The following DNAH2 variants were observed in gnomAD, a reference collection of about 807,000 sequenced individuals.
DNAH2 encodes axonemal beta dynein heavy chain 2.
In DNAH2, 323 loss-of-function variants were observed where a neutral mutation model predicts 523.5. That is an observed-to-expected ratio of 0.62 (90% CI 0.56 to 0.68). The LOEUF is 0.68. Ranked by LOEUF, DNAH2 falls within the 30% of genes least tolerant of loss-of-function variation. The pLI, the probability that DNAH2 is intolerant of heterozygous loss-of-function variation, is 0.00. For missense variants in DNAH2, 4,907 were observed against 5,701.5 expected (o/e 0.86, Z 4.49); for synonymous variants, 2,093 against 2,177.4 (o/e 0.96, Z 1.08).
intron 61 of DNAH2, among the ~76,000 whole-genome samples, chr17:7,805,969 A>G (rs1027400564): frequency 1.3e-5 from 2 of 152,248 alleles, no homozygotes; most frequent in Non-Finnish European, 2.9e-5. Flanking sequence ...GATTGCTTTT[A>G]TAATTATTAA....
At chr17:7,779,490 C>T (rs1354623678) in intron 36 of DNAH2, 67 bp downstream of exon 36, 14 of 1,492,676 alleles carry the variant, frequency 9.4e-6, no homozygotes, top group South Asian at 3.7e-5. Flanking sequence ...GAAATAACTG[C>T]GCATCCTCCT....
chr17:7,780,231 T>A lies in DNAH2; in HGVS notation c.5797T>A (p.Ser1933Thr). The A allele has an allele frequency of 6.2e-7, 1 of 1,614,164 alleles. No individual in the cohort carries two copies. Among genetic ancestry groups the A allele is most frequent in the Non-Finnish European group, 8.5e-7 (1 of 1,180,012 alleles). Residue 1933 changes from serine (S) to threonine (T), a missense_variant, in exon 37 of 86, where the codon TCC (serine) becomes ACC (threonine). This residue lies in a region of DNAH2 where 2,806 missense variants were observed against 3,190.8 expected (regional missense o/e 0.88). Transcript: ENST00000572933. This position sits in a 1 kb window ranked among gnomAD's most constrained non-coding sequence, Gnocchi z 4.4. ...CCCAATTGCCATGGTGGTGCCTGAC[T>A]CCACCCTCATTGCAGAAATCATTCT... ...FRPIAMVVPDSTLIAEIILFG... is the reference protein window; with the variant it reads ...FRPIAMVVPDTTLIAEIILFG...
Position 7,798,279 on chromosome 17 carries a change from C to T in DNAH2, c.8353C>T (p.Gln2785Ter). 6.2e-7 allele frequency: 1 copy of T among 1,613,672 alleles called. No homozygotes were observed. The highest frequency in any genetic ancestry group is 8.5e-7 in the Non-Finnish European group (1 of 1,179,624). The change falls in exon 54 of 86, where the codon CAG becomes TAG. Residue 2785 changes from glutamine to a stop codon, truncating the protein, a stop_gained. Transcript: ENST00000572933. LOFTEE classifies it high-confidence loss of function. The surrounding 1 kb of genome is among the most constrained non-coding windows in gnomAD (Gnocchi z 5.5). ...ATCCATCTGCGACTACACCACCTTC[C>T]AGATCGAGGTCACCAAACATTATCG... Reference protein sequence around the residue: ...ASSICDYTTFQIEVTKHYRKQ... With the variant: ...ASSICDYTTF
At chr17:7,772,918 G>A (rs577566152) in intron 28 of DNAH2, among the ~76,000 whole-genome samples, 103 of 152,212 alleles carry the variant, frequency 6.8e-4, no homozygotes, top group African/African-American at 2.3e-3. Context: ...GACTACAGGC[G>A]TGTGCCACCA....
At chr17:7,806,914 G>C (rs892907638) in intron 61 of DNAH2, among the ~76,000 whole-genome samples, 5 of 152,110 alleles carry the variant, frequency 3.3e-5, no homozygotes, top group Admixed American at 6.5e-5. Flanking sequence ...TTGGCTGAGT[G>C]TTCAAGGTAA....
Position 7,776,120 on chromosome 17 carries a change from G to A in DNAH2, c.4918G>A (p.Asp1640Asn). 1.2e-6 allele frequency: 2 copies of A among 1,613,964 alleles called. No homozygotes were observed. Among genetic ancestry groups the A allele is most frequent in the Non-Finnish European group, 8.5e-7 (1 of 1,179,906 alleles). Reference protein sequence around the residue: ...LALRKFLNKRDKWVKEWAGQV... With the variant: ...LALRKFLNKRNKWVKEWAGQV... ...CCTCAGGAAGTTCCTCAACAAGAGG[G>A]ACAAATGGGTGAAGGAGTGGGCTGG... The change falls in exon 31 of 86, where the codon GAC becomes AAC. Residue 1640 changes from aspartate to asparagine, a missense_variant. Asp to Asn is a conservative substitution (Grantham distance 23). Around this residue, in one of 3 missense-constraint regions of DNAH2, gnomAD observed 2,806 missense variants for 3,190.8 expected, o/e 0.88. Transcript: ENST00000572933.
In DNAH2 at chr17:7,821,257, C is replaced by T; in HGVS notation, c.11030C>T (p.Thr3677Ile). The change falls in exon 73 of 86, where the codon ACC becomes ATC. Residue 3677 changes from threonine to isoleucine, a missense_variant. By Grantham distance (89) the Thr-to-Ile change is moderately conservative (BLOSUM62 -1). Coordinates refer to ENST00000572933, the MANE Select transcript of DNAH2 (RefSeq NM_020877.5). The surrounding 1 kb of genome is among the most constrained non-coding windows in gnomAD (Gnocchi z 5.0). ...TYAVYRYTCR[T>I]LFERHKLLFS... ...CTTTCTCCCAGGTACACCTGCCGTA[C>T]CCTTTTCGAACGCCACAAACTACTA... 6.2e-7 allele frequency: 1 copy of T among 1,613,624 alleles called. No individual in the cohort carries two copies. Among genetic ancestry groups the T allele is most frequent in the Non-Finnish European group, 8.5e-7 (1 of 1,179,732 alleles).
intron 12 of DNAH2, chr17:7,743,580 C>T (rs1567629304): frequency 7.2e-6 from 4 of 552,872 alleles, no homozygotes; most frequent in East Asian, 3.1e-5. Flanking sequence ...GTGGGAGGAT[C>T]GCCTGAGCCC....
intron 7 of DNAH2, among the ~76,000 whole-genome samples, chr17:7,735,496 T>G (rs2075114993): frequency 6.6e-6 from 1 of 152,152 alleles, no homozygotes; most frequent in Non-Finnish European, 1.5e-5. Context: ...TGAAGTGCAG[T>G]GGCACGATCT....
intron 9 of DNAH2, 108 bp from the exon 10 acceptor site, chr17:7,740,312 C>T (rs2075273126): frequency 2.0e-6 from 3 of 1,513,980 alleles, no homozygotes; most frequent in Non-Finnish European, 2.7e-6. Flanking sequence ...GAGTGCCTGG[C>T]ACACAGGAAG....
rs767572684 is a variant in DNAH2, at chr17:7,821,411, G to A, written c.11142+42G>A. 2 of 1,591,892 alleles carry A rather than the reference G, an allele frequency of 1.3e-6. No individual in the cohort carries two copies. Among genetic ancestry groups the A allele is most frequent in the Admixed American group, 1.7e-5 (1 of 57,742 alleles). On this transcript the variant is annotated intron_variant, in intron 73 of 85. Coordinates refer to ENST00000572933, the MANE Select transcript of DNAH2 (RefSeq NM_020877.5). This position sits in a 1 kb window ranked among gnomAD's most constrained non-coding sequence, Gnocchi z 5.0. ...GCACATCCCAGGATGGGATGGTCAA[G>A]GTTGGGGATGAGGGCAAGTGTGACA...
chr17:7,740,987 A>G lies in DNAH2; in HGVS notation c.1684A>G (p.Met562Val). 6.3e-7 allele frequency: 1 copy of G among 1,599,194 alleles called. No homozygotes were observed. The highest frequency in any genetic ancestry group is 1.1e-5 in the South Asian group (1 of 90,686). Residue 562 changes from methionine (M) to valine (V), a missense_variant, in exon 11 of 86, where the codon ATG becomes GTG. Around this residue, in one of 3 missense-constraint regions of DNAH2, gnomAD observed 2,806 missense variants for 3,190.8 expected, o/e 0.88. Coordinates refer to ENST00000572933, the MANE Select transcript of DNAH2 (RefSeq NM_020877.5). ...CCTCCGGCGTCGCATCGACAGAGTC[A>G]TGACCGTAAGTGCCTGGCCTTCTCC... Reference protein sequence around the residue: ...HILRRRIDRVMTCLAGAHFLP... With the variant: ...HILRRRIDRVVTCLAGAHFLP...
chr17:7,762,485 G>A (rs1241116910), intron 18 of DNAH2, among the ~76,000 whole-genome samples: 6 of 151,880 alleles, frequency 4.0e-5, no homozygotes, highest in Non-Finnish European at 5.9e-5. Flanking sequence ...ACGGGTGCCC[G>A]CCACCACGCC....
chr17:7,821,118 G>A lies in DNAH2; in HGVS notation c.11016-125G>A. ...CTGAGTCCTCAGCTGTTTCCAGGAGGTTAGGATTAGAGGCTGGTGAGGTCC... is the reference window on the plus strand; with the variant it reads ...CTGAGTCCTCAGCTGTTTCCAGGAGATTAGGATTAGAGGCTGGTGAGGTCC... On this transcript the variant is annotated intron_variant, in intron 72 of 85. Transcript: ENST00000572933. This position sits in a 1 kb window ranked among gnomAD's most constrained non-coding sequence, Gnocchi z 5.0. 1.5e-6 allele frequency: 2 copies of A among 1,358,016 alleles called. No homozygotes were observed. The highest frequency in any genetic ancestry group is 2.0e-6 in the Non-Finnish European group (2 of 1,014,316). 84.1% of individuals were successfully genotyped at this position (1,358,016 alleles called of 1,614,324 possible).
intron 11 of DNAH2, among the ~76,000 whole-genome samples, chr17:7,741,292 T>TCC (rs1567624816): frequency 1.3e-3 from 69 of 52,674 alleles, no homozygotes; most frequent in Middle Eastern, 7.2e-3. Flanking sequence ...CTTTCTTTCT[T>TCC]TCTTCCTTCC....
intron 24 of DNAH2, among the ~76,000 whole-genome samples, chr17:7,768,855 ATGT>A (rs1192501537): frequency 6.6e-6 from 1 of 152,150 alleles, no homozygotes; most frequent in Non-Finnish European, 1.5e-5. Context: ...AGGTTCTTCC[ATGT>A]TGTTGCAAAT....
intron 77 of DNAH2, among the ~76,000 whole-genome samples, chr17:7,826,535 CTTTTTTTTTTT>C: frequency 9.0e-6 from 1 of 111,264 alleles, no homozygotes; most frequent in Middle Eastern, 5.1e-3. Flanking sequence ...TGCCCATCAT[CTTTTTTTTTTT>C]TTTTTTTTTT....
chr17:7,803,594 C>T (rs1462511761), intron 58 of DNAH2, among the ~76,000 whole-genome samples: 4 of 151,920 alleles, frequency 2.6e-5, no homozygotes, highest in African/African-American at 7.3e-5. Flanking sequence ...CATTTGAACC[C>T]GGGAGGTGGA....
chr17:7,723,776 C>A, intron 3 of DNAH2, 87 bp downstream of exon 3: 1 of 1,145,880 alleles, frequency 8.7e-7, no homozygotes, highest in East Asian at 2.4e-5. Flanking sequence ...ATGAGGAATT[C>A]TCTCTTGTCT....
Sources: gnomAD v4.1 joint callset for allele counts (sites outside exome capture counted in the v4.1 genomes callset) on GRCh38, gnomAD v4.1.1 for gene constraint, gnomAD v4.1.1 regional missense constraint, Gnocchi (gnomAD v3.1) non-coding constraint, MANE v1.5 for transcripts, NCBI Gene and HGNC (gene_info 2026-07-23, HGNC 2026-07-21) for gene names.